Variants in EXOC7 observed in about 807,000 individuals in gnomAD.
The protein encoded by EXOC7 is exocyst complex component Exo70.
In EXOC7, 51 loss-of-function variants were observed where a neutral mutation model predicts 87.6. The observed-to-expected ratio is 0.58, with a 90% CI of 0.46 to 0.73. EXOC7 has a LOEUF of 0.73. Among genes scored for constraint, EXOC7 ranks in the 30% least tolerant of loss-of-function variants. EXOC7 has a pLI of 0.00. For missense variants in EXOC7, 744 were observed against 888.4 expected, an observed-to-expected ratio of 0.84 and a Z score of 2.07; for synonymous variants, 327 against 357.1, an observed-to-expected ratio of 0.92 and a Z score of 0.95.
chr17:76,082,564 G>A lies in EXOC7; in HGVS notation c.*1084C>T, dbSNP rs767449079. 39 of 1,613,646 alleles carry A rather than the reference G, an allele frequency of 2.4e-5. No homozygotes were observed. The South Asian group carries it at 3.8e-4, about 16-fold the overall frequency. On this transcript the variant is annotated 3_prime_UTR_variant, in exon 19 of 19. Coordinates refer to ENST00000589210, the MANE Select transcript of EXOC7 (RefSeq NM_001013839.4). ...GGTTGGGGTGCTGTGCACCCAATTC[G>A]TCTTTGCAGGAATCTGGATGTGGGC... is the stretch of plus-strand genomic sequence containing the variant.
intron 13 of EXOC7, 110 bp from the exon 14 acceptor site, chr17:76,085,907 AGGC>A (rs2067192046): frequency 6.5e-7 from 1 of 1,531,762 alleles, no homozygotes; most frequent in East Asian, 2.4e-5. Context: ...CTGCCTCAGG[AGGC>A]CTTAGCCCAA....
Position 76,085,307 on chromosome 17 carries a change from C to T in EXOC7, c.1712+7G>A, listed in dbSNP as rs1287030558. 19 of 1,590,192 alleles carry T rather than the reference C, an allele frequency of 1.2e-5. No individual in the cohort carries two copies. Among genetic ancestry groups the T allele is most frequent in the Non-Finnish European group, 1.5e-5 (18 of 1,168,972 alleles). ...CATGCAGGAGCAGGGCGGGCCCAGC[C>T]TCTCACCTGCGCTGGTAGGTCTGGA... On this transcript the variant is annotated splice_region_variant and intron_variant, in intron 15 of 18. Coordinates refer to ENST00000589210, the MANE Select transcript of EXOC7 (RefSeq NM_001013839.4).
At chr17:76,091,072 G>T in intron 7 of EXOC7, 71 bp downstream of exon 7, 1 of 1,385,140 alleles carries the variant, frequency 7.2e-7, no homozygotes, top group Non-Finnish European at 1.0e-6. Context: ...CCTGGGGGAG[G>T]CTCTGCCCTG....
At chr17:76,097,614 G>C (rs1482352386) in intron 5 of EXOC7, among the ~76,000 whole-genome samples, 182 bp downstream of exon 5, 1 of 141,438 alleles carries the variant, frequency 7.1e-6, no homozygotes, top group African/African-American at 2.6e-5. Context: ...TGAGGCAGGA[G>C]AATCGCTGGA....
At chr17:76,101,975 C>T in intron 2 of EXOC7, 112 bp from the exon 3 acceptor site, 2 of 829,318 alleles carry the variant, frequency 2.4e-6, no homozygotes, top group East Asian at 5.4e-5. Context: ...ACAATAAACT[C>T]CACAAGCGAA....
At chr17:76,086,984 G>T (rs2067240810) in intron 12 of EXOC7, 9 of 1,163,200 alleles carry the variant, frequency 7.7e-6, no homozygotes, top group Non-Finnish European at 1.1e-5. Flanking sequence ...GTTAGAAACG[G>T]CATGTCAACC....
In EXOC7 at chr17:76,101,282, G is replaced by A. The variant is rs1273470144; in HGVS notation, c.406C>T (p.Leu136Phe). The A allele has an allele frequency of 1.2e-6, 2 of 1,613,992 alleles. No individual in the cohort carries two copies. The highest frequency in any genetic ancestry group is 1.7e-6 in the Non-Finnish European group (2 of 1,180,022). The change falls in exon 4 of 19, where the codon CTC becomes TTC. Residue 136 changes from leucine to phenylalanine, a missense_variant. Leu to Phe is a conservative substitution (Grantham distance 22). Coordinates refer to ENST00000589210, the MANE Select transcript of EXOC7 (RefSeq NM_001013839.4). Reference protein sequence around the residue: ...FQDNSPDSPELNKVKLLFERG... With the variant: ...FQDNSPDSPEFNKVKLLFERG... The stretch of plus-strand genomic sequence containing the variant: ...TGCGGACCCCTTACCACTTTGTTGA[G>A]TTCCGGGCTGTCTGGGCTGTTGTCC...
intron 4 of EXOC7, among the ~76,000 whole-genome samples, chr17:76,100,254 T>A (rs776077216): frequency 2.0e-5 from 3 of 151,972 alleles, no homozygotes; most frequent in Non-Finnish European, 4.4e-5. Flanking sequence ...TTGGAGAAGA[T>A]GAACATATTT....
intron 6 of EXOC7, 45 bp from the exon 7 acceptor site, chr17:76,091,280 ATGAG>A (rs2067467867): frequency 6.4e-7 from 1 of 1,565,726 alleles, no homozygotes; most frequent in African/African-American, 1.4e-5. Context: ...GACCTAGGAA[ATGAG>A]TGAGAGAAAA....
In EXOC7 at chr17:76,082,887, T is replaced by G. The variant is rs2067043603; in HGVS notation, c.*761A>C. 6 of 390,588 alleles carry G rather than the reference T, an allele frequency of 1.5e-5. No homozygotes were observed. In the South Asian group the frequency reaches 3.8e-4, roughly 25 times the overall value. 24.2% of individuals were successfully genotyped at this position (390,588 alleles called of 1,614,324 possible). ...TTGCTTCCAACCCCCATTTTGCTCC[T>G]TAACTTTTCCCCATTGTCCCTGTCT... On this transcript the variant is annotated 3_prime_UTR_variant, in exon 19 of 19. Transcript: ENST00000589210.
chr17:76,089,112 C>T, intron 8 of EXOC7, 63 bp downstream of exon 8: 1 of 1,602,500 alleles, frequency 6.2e-7, no homozygotes, highest in Non-Finnish European at 8.5e-7. Flanking sequence ...TTGAGGGCTG[C>T]AAGAGTCTGT....
Position 76,082,120 on chromosome 17 carries a change from T to C in EXOC7, c.*1528A>G, listed in dbSNP as rs2067009405. ...TAGGGCTGGGGTGAGGGCACGGAGG[T>C]CCAGGTGTGGGTAGAGGCCCCTTGC... is the stretch of plus-strand genomic sequence containing the variant. On this transcript the variant is annotated 3_prime_UTR_variant, in exon 19 of 19. Transcript: ENST00000589210. 1 of 1,506,536 alleles carries C rather than the reference T, an allele frequency of 6.6e-7. No individual in the cohort carries two copies. Among genetic ancestry groups the C allele is most frequent in the Non-Finnish European group, 8.9e-7 (1 of 1,128,398 alleles). The allele number at this position is 1,506,536 out of a possible 1,614,324, so 93.3% of individuals were successfully genotyped here.
intron 3 of EXOC7, 56 bp from the exon 4 acceptor site, chr17:76,101,432 G>A (rs962483802): frequency 1.9e-6 from 3 of 1,595,820 alleles, no homozygotes; most frequent in Middle Eastern, 1.7e-4. Context: ...GAAGGACTAA[G>A]GACACAGTAT....
Position 76,081,396 on chromosome 17 carries a change from G to A in EXOC7, c.*2252C>T. On this transcript the variant is annotated 3_prime_UTR_variant, in exon 19 of 19. Coordinates refer to ENST00000589210, the MANE Select transcript of EXOC7 (RefSeq NM_001013839.4). ...CCCAGCAGCTGGTGCCCTGCTTCCA[G>A]GTGACGGTGAGTCAAGTCGGGAGGA... 1.2e-6 allele frequency: 2 copies of A among 1,614,120 alleles called. No homozygotes were observed. Among genetic ancestry groups the A allele is most frequent in the East Asian group, 2.2e-5 (1 of 44,880 alleles).
chr17:76,082,121 C>T lies in EXOC7; in HGVS notation c.*1527G>A. On this transcript the variant is annotated 3_prime_UTR_variant, in exon 19 of 19. Coordinates refer to ENST00000589210, the MANE Select transcript of EXOC7 (RefSeq NM_001013839.4). ...AGGGCTGGGGTGAGGGCACGGAGGTCCAGGTGTGGGTAGAGGCCCCTTGCA... is the reference window on the plus strand; with the variant it reads ...AGGGCTGGGGTGAGGGCACGGAGGTTCAGGTGTGGGTAGAGGCCCCTTGCA... The T allele has an allele frequency of 6.6e-7, 1 of 1,505,414 alleles. No homozygotes were observed. The highest frequency in any genetic ancestry group is 8.9e-7 in the Non-Finnish European group (1 of 1,127,230). The allele number at this position is 1,505,414 out of a possible 1,614,324, so 93.3% of individuals were successfully genotyped here.
chr17:76,085,849 A>C, intron 13 of EXOC7, 52 bp from the exon 14 acceptor site: 1 of 1,588,082 alleles, frequency 6.3e-7, no homozygotes, highest in South Asian at 1.1e-5. Context: ...GACCCAAACG[A>C]CCCCACCCCA....
intron 4 of EXOC7, among the ~76,000 whole-genome samples, chr17:76,098,732 G>C (rs2067905189): frequency 6.6e-6 from 1 of 151,776 alleles, no homozygotes; most frequent in Non-Finnish European, 1.5e-5. Flanking sequence ...CGGGCGTGGT[G>C]GTGGGCACCT....
intron 1 of EXOC7, 88 bp downstream of exon 1, chr17:76,103,545 C>T: frequency 1.3e-6 from 2 of 1,583,436 alleles, no homozygotes; most frequent in Non-Finnish European, 1.7e-6. Flanking sequence ...TCCCTCCCAC[C>T]CCTGCCTCCT....
rs768463312 is a variant in EXOC7, at chr17:76,082,587, G to A, written c.*1061C>T. On this transcript the variant is annotated 3_prime_UTR_variant, in exon 19 of 19. Coordinates refer to ENST00000589210, the MANE Select transcript of EXOC7 (RefSeq NM_001013839.4). ...TCGTCTTTGCAGGAATCTGGATGTGGGCAGCGTGCAAGTCTGACGCAGCCC... is the reference window on the plus strand; with the variant it reads ...TCGTCTTTGCAGGAATCTGGATGTGAGCAGCGTGCAAGTCTGACGCAGCCC... The A allele has an allele frequency of 2.2e-5, 35 of 1,613,504 alleles. No homozygotes were observed. The highest frequency in any genetic ancestry group is 2.8e-5 in the Non-Finnish European group (33 of 1,179,932).
Sources: allele counts gnomAD v4.1 joint callset (sites outside exome capture counted in the v4.1 genomes callset), GRCh38; gene constraint gnomAD v4.1.1; transcripts MANE v1.5; gene names NCBI Gene and HGNC (gene_info 2026-07-23, HGNC 2026-07-21).